PRPF6: variants seen among roughly 807,000 people sequenced by gnomAD.
PRPF6 encodes pre-mRNA-processing factor 6.
A neutral mutation model predicts 118.3 loss-of-function variants in PRPF6; 42 were observed. That is an observed-to-expected ratio of 0.35 (90% CI 0.28 to 0.46). PRPF6 has a LOEUF of 0.46. PRPF6 is among the 20% of genes least tolerant of loss of function. The pLI, the probability that PRPF6 is intolerant of heterozygous loss-of-function variation, is 1.00. For missense variants in PRPF6, 662 were observed against 1,255.7 expected, an observed-to-expected ratio of 0.53 and a Z score of 7.15; for synonymous variants, 481 against 485.1, an observed-to-expected ratio of 0.99 and a Z score of 0.11.
In PRPF6 at chr20:64,011,551, C is replaced by T. The variant is rs777988489; in HGVS notation, c.1524+48C>T. The T allele has an allele frequency of 3.2e-6, 5 of 1,562,714 alleles. No individual in the cohort carries two copies. Among genetic ancestry groups the T allele is most frequent in the Admixed American group, 1.9e-5 (1 of 53,670 alleles). ...GGTGTCTGCTTTAACAGTGCACATGCAGCACGTGAGAGTCCCACGCAGGAC... is the reference window on the plus strand; with the variant it reads ...GGTGTCTGCTTTAACAGTGCACATGTAGCACGTGAGAGTCCCACGCAGGAC... On this transcript the variant is annotated intron_variant, in intron 11 of 20. Transcript: ENST00000266079. This position sits in a 1 kb window ranked among gnomAD's most constrained non-coding sequence, Gnocchi z 6.7.
intron 2 of PRPF6, among the ~76,000 whole-genome samples, chr20:63,984,018 T>C (rs957041359): frequency 1.3e-5 from 2 of 152,182 alleles, no homozygotes; most frequent in African/African-American, 4.8e-5. Flanking sequence ...TTAGCTTTAG[T>C]GATTGCCCTC....
intron 3 of PRPF6, among the ~76,000 whole-genome samples, chr20:63,991,164 G>A (rs1293992845): frequency 6.6e-6 from 1 of 151,480 alleles, no homozygotes; most frequent in African/African-American, 2.4e-5. Context: ...TGGCTTACAT[G>A]TGTAATCCTA....
chr20:63,993,829 A>C (rs2059129669), intron 4 of PRPF6, among the ~76,000 whole-genome samples: 1 of 151,338 alleles, frequency 6.6e-6, no homozygotes, highest in South Asian at 2.1e-4. Flanking sequence ...AGCTCACTGC[A>C]ACCTTCACCT....
rs2059294456 is a variant in PRPF6, at chr20:64,027,080, C to A, written c.2127C>A (p.Pro709=). ...EEALRHYEDF[P]KLWMMKGQIE... ...CCCTGCGGCACTATGAGGACTTCCC[C>A]AAGCTGTGGATGATGAAGGGGCAGA... is the stretch of plus-strand genomic sequence containing the variant. Residue 709 remains proline (P), a synonymous_variant, in exon 16 of 21, where the codon CCC becomes CCA. Coordinates refer to ENST00000266079, the MANE Select transcript of PRPF6 (RefSeq NM_012469.4). The surrounding 1 kb of genome is among the most constrained non-coding windows in gnomAD (Gnocchi z 6.5). 11 of 1,614,060 alleles carry A rather than the reference C, an allele frequency of 6.8e-6. No individual in the cohort carries two copies. The highest frequency in any genetic ancestry group is 9.3e-6 in the Non-Finnish European group (11 of 1,180,014).
At chr20:63,993,286 A>T (rs944924099) in intron 3 of PRPF6, 121 bp from the exon 4 acceptor site, 7 of 509,232 alleles carry the variant, frequency 1.4e-5, no homozygotes, top group African/African-American at 4.1e-5. Flanking sequence ...ATATATATAT[A>T]TTTGATTTAG....
intron 2 of PRPF6, 56 bp downstream of exon 2, chr20:63,983,271 CT>C: frequency 1.2e-6 from 2 of 1,606,936 alleles, no homozygotes; most frequent in South Asian, 2.2e-5. Flanking sequence ...AGCAGCTGAC[CT>C]AACCAGTGTG....
chr20:63,989,579 T>A (rs1159088515), intron 3 of PRPF6, among the ~76,000 whole-genome samples: 1 of 152,178 alleles, frequency 6.6e-6, no homozygotes, highest in Non-Finnish European at 1.5e-5. Context: ...TGCTTTTTTT[T>A]ATCTTGGCTC....
In PRPF6 at chr20:64,016,758, C is replaced by T; in HGVS notation, c.1560C>T (p.Ala520=). The T allele has an allele frequency of 6.2e-7, 1 of 1,614,036 alleles. No individual in the cohort carries two copies. The highest frequency in any genetic ancestry group is 8.5e-7 in the Non-Finnish European group (1 of 1,180,002). Residue 520 remains alanine, a synonymous_variant, in exon 12 of 21, where the codon GCC becomes GCT. Coordinates refer to ENST00000266079, the MANE Select transcript of PRPF6 (RefSeq NM_012469.4). ...AEECDRAGSV[A]TCQAVMRAVI... ...AATGTGACAGGGCTGGGAGTGTGGC[C>T]ACCTGCCAGGCCGTCATGCGTGCCG...
intron 11 of PRPF6, among the ~76,000 whole-genome samples, chr20:64,015,679 A>ATC (rs760178005): frequency 2.0e-5 from 3 of 152,230 alleles, no homozygotes; most frequent in Non-Finnish European, 4.4e-5. Flanking sequence ...TTATTTTGAT[A>ATC]GAGAATGAGA....
intron 2 of PRPF6, 86 bp from the exon 3 acceptor site, chr20:63,984,821 T>A: frequency 1.0e-6 from 1 of 962,482 alleles, no homozygotes; most frequent in Non-Finnish European, 1.6e-6. Flanking sequence ...ATTTAGCAAG[T>A]ATTTCACAAG....
At chr20:63,993,268 G>GTA (rs147189959) in intron 3 of PRPF6, 139 bp from the exon 4 acceptor site, 40,250 of 316,942 alleles carry the variant, frequency 0.13, 1,241 homozygotes, top group Middle Eastern at 0.18. Flanking sequence ...GTGTGTATAT[G>GTA]TATATATATA....
At chr20:63,996,292 T>C (rs941432945) in intron 6 of PRPF6, among the ~76,000 whole-genome samples, 10 of 152,044 alleles carry the variant, frequency 6.6e-5, no homozygotes, top group Non-Finnish European at 1.0e-4. Flanking sequence ...TGAGCCGAGA[T>C]TGCACCAGTG....
intron 3 of PRPF6, among the ~76,000 whole-genome samples, chr20:63,989,184 T>C (rs1047620059): frequency 6.6e-6 from 1 of 152,268 alleles, no homozygotes; most frequent in East Asian, 1.9e-4. Flanking sequence ...ACTGGATATC[T>C]ATATACAGAA....
rs1601523736 is a variant in PRPF6 at position 64,011,226 on chromosome 20, C to T, written c.1306-59C>T. ...CGCTGGAGGGTGGGTCGCTGTCTGGCCTGCAGCTGTCCCCCCAGCACAGTG... is the reference window on the plus strand; with the variant it reads ...CGCTGGAGGGTGGGTCGCTGTCTGGTCTGCAGCTGTCCCCCCAGCACAGTG... On this transcript the variant is annotated intron_variant, in intron 10 of 20. Transcript: ENST00000266079. The surrounding 1 kb of genome is among the most constrained non-coding windows in gnomAD (Gnocchi z 6.7). The T allele has an allele frequency of 1.4e-5, 21 of 1,537,972 alleles. No homozygotes were observed. In the East Asian group the frequency reaches 4.3e-4, roughly 31 times the overall value.
intron 9 of PRPF6, among the ~76,000 whole-genome samples, chr20:64,006,457 C>T (rs145271997): frequency 1.0e-3 from 157 of 152,158 alleles, no homozygotes; most frequent in African/African-American, 3.7e-3. Flanking sequence ...GATGGGATTA[C>T]AGGCACCTGC....
intron 12 of PRPF6, among the ~76,000 whole-genome samples, chr20:64,022,186 G>C (rs1397713300): frequency 3.9e-5 from 6 of 152,228 alleles, no homozygotes; most frequent in Non-Finnish European, 8.8e-5. Context: ...CCTCAGGCTT[G>C]TCTCTTTCAT....
chr20:64,023,234 G>C (rs2059274311), intron 13 of PRPF6, among the ~76,000 whole-genome samples: 2 of 152,234 alleles, frequency 1.3e-5, no homozygotes, highest in South Asian at 2.1e-4. Context: ...GGCAGCATCT[G>C]GGCTCAGGCA....
rs1239651250 is a variant in PRPF6, at chr20:64,010,337, G to T, written c.1305+19G>T. The T allele has an allele frequency of 6.2e-7, 1 of 1,600,608 alleles. No individual in the cohort carries two copies. Among genetic ancestry groups the T allele is most frequent in the East Asian group, 2.2e-5 (1 of 44,814 alleles). On this transcript the variant is annotated intron_variant, in intron 10 of 20. Transcript: ENST00000266079. Reference sequence around the variant, plus strand: ...CGTGGAGGTGAGTCTGGCGGGCTCAGGGCCACCAGAGCCCAAAGTGGCCAA... The same window carrying T: ...CGTGGAGGTGAGTCTGGCGGGCTCATGGCCACCAGAGCCCAAAGTGGCCAA...
intron 3 of PRPF6, among the ~76,000 whole-genome samples, chr20:63,990,758 C>T (rs1168978642): frequency 6.6e-6 from 1 of 151,958 alleles, no homozygotes; most frequent in Non-Finnish European, 1.5e-5. Context: ...GATTCTCCTG[C>T]CTCAGCCTCC....
Sources: allele counts gnomAD v4.1 joint callset (sites outside exome capture counted in the v4.1 genomes callset), GRCh38; gene constraint gnomAD v4.1.1; non-coding constraint Gnocchi (gnomAD v3.1); transcripts MANE v1.5; gene names NCBI Gene and HGNC (gene_info 2026-07-23, HGNC 2026-07-21).